Variants in PLCXD3 observed in about 807,000 individuals in gnomAD.
PLCXD3 encodes the protein phosphatidylinositol specific phospholipase C X domain containing 3, also known as PI-PLC X domain-containing protein 3.
PLCXD3 carries 19 observed loss-of-function variants against 25.5 expected under a neutral mutation model. That is an observed-to-expected ratio of 0.75 (90% confidence interval 0.52 to 1.09). The LOEUF (loss-of-function observed/expected upper bound fraction) is 1.09, where lower values mean the gene tolerates loss of function less well. Among genes scored for constraint, PLCXD3 ranks in the 50% least tolerant of loss-of-function variants. The pLI is 0.00. For synonymous variants in PLCXD3, 174 were observed against 137.6 expected, an observed-to-expected ratio of 1.26 and a Z score of -1.85; for missense variants, 411 against 388.1, an observed-to-expected ratio of 1.06 and a Z score of -0.50.
intron 1 of PLCXD3, among the ~76,000 whole-genome samples, chr5:41,452,870 T>C (rs968754323): frequency 1.3e-5 from 2 of 152,062 alleles, no homozygotes; most frequent in Non-Finnish European, 2.9e-5. Context: ...CTTGTTTTTC[T>C]TCGTTTTATT....
chr5:41,335,628 G>A (rs563610960), intron 2 of PLCXD3, among the ~76,000 whole-genome samples: 2 of 152,058 alleles, frequency 1.3e-5, no homozygotes, highest in African/African-American at 4.8e-5. Flanking sequence ...TAGGGAAATA[G>A]GTCCTTGATG....
intron 1 of PLCXD3, among the ~76,000 whole-genome samples, chr5:41,444,684 T>G (rs934279728): frequency 1.3e-5 from 2 of 150,754 alleles, no homozygotes; most frequent in Admixed American, 6.6e-5. Flanking sequence ...ATGATGTTAA[T>G]AGAAATGCAT....
At chr5:41,476,949 T>C (rs1748297138) in intron 1 of PLCXD3, among the ~76,000 whole-genome samples, 1 of 152,216 alleles carries the variant, frequency 6.6e-6, no homozygotes. Flanking sequence ...TTTGAGATGT[T>C]TACAAAATGT....
chr5:41,340,307 T>C (rs537654575), intron 2 of PLCXD3, among the ~76,000 whole-genome samples: 15 of 152,278 alleles, frequency 9.9e-5, no homozygotes, highest in Admixed American at 2.6e-4. Context: ...AAATGACTAA[T>C]TAAATAGCTA....
In PLCXD3 at chr5:41,382,064, G is replaced by A. The variant is rs1745480008; in HGVS notation, c.574C>T (p.Leu192=). The A allele has an allele frequency of 2.5e-6, 4 of 1,613,586 alleles. No individual in the cohort carries two copies. The highest frequency in any genetic ancestry group is 4.5e-5 in the East Asian group (2 of 44,842). ...GCCACTGGACTATGGTAGAAGACCA[G>A]CACTTGATAGTCCTTCTCCCACAGG... ...KYLWEKDYQV[L]VFYHSPVALE... The change falls in exon 2 of 3, where the codon CTG becomes TTG. Residue 192 remains leucine (L), a synonymous_variant. Coordinates refer to ENST00000377801, the MANE Select transcript of PLCXD3 (RefSeq NM_001005473.3).
intron 1 of PLCXD3, chr5:41,456,448 A>T (rs1747755187): frequency 3.5e-6 from 2 of 575,454 alleles, no homozygotes; most frequent in Non-Finnish European, 4.4e-6. Context: ...AAAAGAGATA[A>T]ATTCAGGATA....
rs113452442 is a variant in PLCXD3, at chr5:41,416,079, A to G, written c.104-33545T>C. Among the ~76,000 whole-genome samples, 1,196 of 152,278 alleles carry G rather than the reference A, an allele frequency of 7.9e-3. 16 individuals carry two copies. Among genetic ancestry groups the G allele is most frequent in the African/African-American group, 0.027 (1,129 of 41,562 alleles). ...ACTCAGCCATCCCCAAACAAGCTCA[A>G]AGAGGGAGATTAGGAGGAATAAATA... On this transcript the variant is annotated intron_variant, in intron 1 of 2. Coordinates refer to ENST00000377801, the MANE Select transcript of PLCXD3 (RefSeq NM_001005473.3).
intron 1 of PLCXD3, among the ~76,000 whole-genome samples, chr5:41,480,340 G>T (rs539166449): frequency 6.6e-6 from 1 of 151,184 alleles, no homozygotes; most frequent in Non-Finnish European, 1.5e-5. Flanking sequence ...ATAACATCAG[G>T]ATTTAAAGCT....
chr5:41,492,429 T>C (rs866680767), intron 1 of PLCXD3, among the ~76,000 whole-genome samples: 18 of 147,902 alleles, frequency 1.2e-4, no homozygotes, highest in East Asian at 7.9e-4. Context: ...TTGCTCTTCT[T>C]GAGGAGTATC....
Position 41,381,808 on chromosome 5 carries a change from C to A in PLCXD3, c.812+18G>T, listed in dbSNP as rs750705125. The A allele has an allele frequency of 1.3e-6, 2 of 1,572,536 alleles. No homozygotes were observed. The highest frequency in any genetic ancestry group is 2.7e-5 in the African/African-American group (2 of 72,890). ...TAAATTATTTGAGGTTTCCCCCTGA[C>A]ATTTTAAAGACACTTACCTTTCTGT... On this transcript the variant is annotated intron_variant, in intron 2 of 2. Coordinates refer to ENST00000377801, the MANE Select transcript of PLCXD3 (RefSeq NM_001005473.3).
chr5:41,379,054 C>T (rs1745378065), intron 2 of PLCXD3, among the ~76,000 whole-genome samples: 1 of 152,076 alleles, frequency 6.6e-6, no homozygotes, highest in South Asian at 2.1e-4. Flanking sequence ...AAGCATAGAA[C>T]TATGCTGGAA....
chr5:41,470,170 G>T (rs982688712), intron 1 of PLCXD3, among the ~76,000 whole-genome samples: 2 of 152,112 alleles, frequency 1.3e-5, no homozygotes, highest in African/African-American at 4.8e-5. Context: ...CCCAAACAAA[G>T]GGGGGTGGCA....
rs111888601 is a variant in PLCXD3 at position 41,451,908 on chromosome 5, C to T, written c.103+58516G>A. Among the ~76,000 whole-genome samples the T allele has an allele frequency of 4.6e-3, 705 of 152,090 alleles. 2 individuals carry two copies. Among genetic ancestry groups the T allele is most frequent in the African/African-American group, 0.016 (651 of 41,526 alleles). Reference sequence around the variant, plus strand: ...GAGGCTTCCCAAGGCCTACTTGACCCTTGGAGTGTAATATTTACCCAATTC... The same window carrying T: ...GAGGCTTCCCAAGGCCTACTTGACCTTTGGAGTGTAATATTTACCCAATTC... On this transcript the variant is annotated intron_variant, in intron 1 of 2. Transcript: ENST00000377801.
intron 1 of PLCXD3, among the ~76,000 whole-genome samples, chr5:41,397,415 G>A (rs1746041669): frequency 6.6e-6 from 1 of 152,220 alleles, no homozygotes; most frequent in African/African-American, 2.4e-5. Context: ...TGCACAGGAG[G>A]CGAGAGTTGA....
intron 1 of PLCXD3, among the ~76,000 whole-genome samples, chr5:41,443,757 T>A (rs2150512279): frequency 6.6e-6 from 1 of 152,258 alleles, no homozygotes; most frequent in East Asian, 1.9e-4. Context: ...ATTATCCTTT[T>A]TGACAAGCAT....
chr5:41,313,902 A>C (rs1324957652), intron 2 of PLCXD3, 132 bp from the exon 3 acceptor site: 2 of 1,042,554 alleles, frequency 1.9e-6, no homozygotes, highest in Non-Finnish European at 2.7e-6. Flanking sequence ...GGAAGGGGAA[A>C]AGGCCAAATG....
intron 1 of PLCXD3, among the ~76,000 whole-genome samples, chr5:41,489,140 C>G (rs1325275856): frequency 9.2e-5 from 14 of 151,876 alleles, no homozygotes; most frequent in South Asian, 8.3e-4. Flanking sequence ...TTTCAGCTTT[C>G]TACATATGGC....
Position 41,500,453 on chromosome 5 carries a change from T to C in PLCXD3, c.103+9971A>G, listed in dbSNP as rs191642594. Among the ~76,000 whole-genome samples the C allele has an allele frequency of 3.6e-3, 540 of 151,828 alleles. 3 individuals carry two copies. Among genetic ancestry groups the C allele is most frequent in the African/African-American group, 0.012 (497 of 41,478 alleles). On this transcript the variant is annotated intron_variant, in intron 1 of 2. Coordinates refer to ENST00000377801, the MANE Select transcript of PLCXD3 (RefSeq NM_001005473.3). ...TGAGGGGATAAAAAGGGAGAGATAATGAGAAATTAATGGGTACAATGTATA... is the reference window on the plus strand; with the variant it reads ...TGAGGGGATAAAAAGGGAGAGATAACGAGAAATTAATGGGTACAATGTATA...
At chr5:41,411,671 A>T (rs1746523367) in intron 1 of PLCXD3, among the ~76,000 whole-genome samples, 1 of 151,924 alleles carries the variant, frequency 6.6e-6, no homozygotes, top group Admixed American at 6.6e-5. Flanking sequence ...TGGTCTTATA[A>T]ATCTTACATG....
Sources: allele counts gnomAD v4.1 joint callset (sites outside exome capture counted in the v4.1 genomes callset), GRCh38; gene constraint gnomAD v4.1.1; transcripts MANE v1.5; gene names NCBI Gene and HGNC (gene_info 2026-07-23, HGNC 2026-07-21).